GPHN: variants seen among roughly 807,000 people sequenced by gnomAD.
GPHN encodes gephyrin.
GPHN carries 17 observed loss-of-function variants against 95.5 expected under a neutral mutation model. That is an observed-to-expected ratio of 0.18 (90% CI 0.12 to 0.27). The LOEUF is 0.27. Ranked by LOEUF, GPHN falls within the 10% of genes least tolerant of loss-of-function variation. The pLI is 1.00. For missense variants in GPHN, 660 were observed against 978.1 expected (o/e 0.67, Z 4.34); for synonymous variants, 320 against 322.5 (o/e 0.99, Z 0.08).
At chr14:67,156,913 C>T (rs569723006) in intron 18 of GPHN, among the ~76,000 whole-genome samples, 25 of 150,440 alleles carry the variant, frequency 1.7e-4, no homozygotes, top group African/African-American at 5.6e-4. Context: ...AGGTTGCCAA[C>T]GTGAGCCGAG....
chr14:67,642,034 T>A, the GPHN span: 1 of 777,368 alleles, frequency 1.3e-6, no homozygotes, highest in Non-Finnish European at 2.0e-6. Flanking sequence ...AGGATCGAGA[T>A]AATCTTCCCA....
intron 5 of GPHN, among the ~76,000 whole-genome samples, chr14:66,891,891 T>G (rs2064529221): frequency 1.3e-5 from 2 of 152,082 alleles, no homozygotes. Flanking sequence ...GCATCAATAG[T>G]CATTAGGGAA....
chr14:66,907,665 A>G (rs376387842), intron 5 of GPHN, among the ~76,000 whole-genome samples: 25 of 152,156 alleles, frequency 1.6e-4, no homozygotes, highest in Non-Finnish European at 8.8e-5. Flanking sequence ...AAGCGGGTGG[A>G]GGGGAAAAGT....
the GPHN span, among the ~76,000 whole-genome samples, chr14:67,401,614 A>C: frequency 6.6e-6 from 1 of 152,166 alleles, no homozygotes; most frequent in African/African-American, 2.4e-5. Flanking sequence ...TGCCATCTGC[A>C]AGCCAAGGAG....
the GPHN span, among the ~76,000 whole-genome samples, chr14:67,187,028 C>A: frequency 2.0e-5 from 3 of 151,970 alleles, no homozygotes; most frequent in African/African-American, 7.3e-5. Flanking sequence ...AGGAAGGAGG[C>A]AGAAATATGA....
At chr14:67,131,512 T>G (rs1294256781) in intron 17 of GPHN, among the ~76,000 whole-genome samples, 1 of 152,098 alleles carries the variant, frequency 6.6e-6, no homozygotes, top group Non-Finnish European at 1.5e-5. Flanking sequence ...TCAAAGTAAG[T>G]CCAAAAGCCT....
chr14:67,410,273 C>G, the GPHN span, among the ~76,000 whole-genome samples: 1 of 152,106 alleles, frequency 6.6e-6, no homozygotes, highest in African/African-American at 2.4e-5. Flanking sequence ...GCCTCCAAAA[C>G]TCCCAAAGCT....
At chr14:66,833,455 A>G (rs112957058) in intron 4 of GPHN, among the ~76,000 whole-genome samples, 78 of 152,258 alleles carry the variant, frequency 5.1e-4, no homozygotes, top group African/African-American at 1.6e-3. Flanking sequence ...TTTGGGTGGG[A>G]CACAGCCAAA....
At chr14:67,023,826 G>T (rs867395956) in intron 10 of GPHN, 151 bp downstream of exon 10, 2 of 698,438 alleles carry the variant, frequency 2.9e-6, no homozygotes, top group Non-Finnish European at 5.0e-6. Context: ...AATATTGCCA[G>T]TATCAATACA....
chr14:67,316,969 T>A, the GPHN span: 1 of 1,280,680 alleles, frequency 7.8e-7, no homozygotes, highest in Non-Finnish European at 1.1e-6. Context: ...CATGTGTGAA[T>A]CTGCATATTA....
chr14:66,529,108 C>T (rs761028848), intron 1 of GPHN, among the ~76,000 whole-genome samples: 3 of 152,108 alleles, frequency 2.0e-5, no homozygotes, highest in Admixed American at 1.3e-4. Context: ...ACCAATCAAA[C>T]GTAGGTTTGG....
intron 1 of GPHN, among the ~76,000 whole-genome samples, chr14:66,652,605 A>G (rs1566765149): frequency 6.6e-6 from 1 of 151,908 alleles, no homozygotes; most frequent in Non-Finnish European, 1.5e-5. Flanking sequence ...TTCTAAAGCT[A>G]TACATTAATA....
chr14:67,173,089 C>T (rs527812453), intron 21 of GPHN, among the ~76,000 whole-genome samples: 1 of 152,176 alleles, frequency 6.6e-6, no homozygotes, highest in African/African-American at 2.4e-5. Flanking sequence ...AAGGGGTACC[C>T]AAAGTCACAG....
rs565906048 is a variant in GPHN, at chr14:66,801,412, C to T, written c.202-23062C>T. Among the ~76,000 whole-genome samples the T allele has an allele frequency of 1.0e-3, 154 of 152,266 alleles. 1 individual carries two copies. The highest frequency in any genetic ancestry group is 7.9e-3 in the South Asian group (38 of 4,826). ...TTAGCGGGCATCCCAAGCCCAGTAACGCTGAGATTCTTGCAGACTTGTAAA... is the reference window on the plus strand; with the variant it reads ...TTAGCGGGCATCCCAAGCCCAGTAATGCTGAGATTCTTGCAGACTTGTAAA... On this transcript the variant is annotated intron_variant, in intron 3 of 22. Coordinates refer to ENST00000478722, the MANE Select transcript of GPHN (RefSeq NM_020806.5).
chr14:66,715,911 T>C (rs1386664611), intron 2 of GPHN, among the ~76,000 whole-genome samples: 5 of 152,146 alleles, frequency 3.3e-5, no homozygotes, highest in African/African-American at 1.2e-4. Context: ...TCATATGGTC[T>C]ATCTTGGAGA....
At chr14:67,562,046 CAGG>C in the GPHN span, 1 of 1,612,658 alleles carries the variant, frequency 6.2e-7, no homozygotes, top group Non-Finnish European at 8.5e-7. Flanking sequence ...GTAGGCAGGC[CAGG>C]GTGTGCAGGT....
At position 66,662,339 on chromosome 14, in the gene GPHN, T is replaced by A. The variant is rs1400891893; in HGVS notation, c.65-18768T>A. 4.6e-5 allele frequency among the ~76,000 whole-genome samples: 7 copies of A among 152,210 alleles called. No homozygotes were observed. The East Asian group carries it at 1.2e-3, about 25-fold the overall frequency. ...AGGGGCAGGCTGCCATCTTTGCAGT[T>A]TTGCAGCCTTCACTGGTGATACCCT... On this transcript the variant is annotated intron_variant, in intron 1 of 22. Coordinates refer to ENST00000478722, the MANE Select transcript of GPHN (RefSeq NM_020806.5).
downstream of GPHN, among the ~76,000 whole-genome samples, chr14:67,182,410 C>A (rs2083339380): frequency 1.3e-5 from 2 of 151,920 alleles, no homozygotes. Flanking sequence ...CAAAAATTGG[C>A]CTACTAGTAA....
intron 10 of GPHN, among the ~76,000 whole-genome samples, chr14:67,024,743 A>G (rs2073837151): frequency 6.6e-6 from 1 of 152,206 alleles, no homozygotes; most frequent in African/African-American, 2.4e-5. Flanking sequence ...CAACCAGGGA[A>G]GCTCACTGAG....
Sources: allele counts gnomAD v4.1 joint callset (sites outside exome capture counted in the v4.1 genomes callset), GRCh38; gene constraint gnomAD v4.1.1; transcripts MANE v1.5; gene names NCBI Gene and HGNC (gene_info 2026-07-23, HGNC 2026-07-21).